Variants in ADARB2 observed in about 807,000 individuals in gnomAD.
The protein encoded by ADARB2 is inactive double-stranded RNA-specific editase B2.
ADARB2 carries 25 observed loss-of-function variants against 62.2 expected under a neutral mutation model. The ratio of observed to expected loss-of-function variants is 0.40; its 90% CI spans 0.29 to 0.56. The LOEUF (loss-of-function observed/expected upper bound fraction) is 0.56, where lower values mean the gene tolerates loss of function less well. ADARB2 is among the 20% of genes least tolerant of loss of function. The pLI, the probability that ADARB2 is intolerant of heterozygous loss-of-function variation, is 0.43. For synonymous variants in ADARB2, 572 were observed against 500.8 expected, an observed-to-expected ratio of 1.14 and a Z score of -1.90; for missense variants, 1,071 against 1,077.4, an observed-to-expected ratio of 0.99 and a Z score of 0.08.
At chr10:1,594,622 C>A (rs1833306784) in intron 1 of ADARB2, among the ~76,000 whole-genome samples, 1 of 152,176 alleles carries the variant, frequency 6.6e-6, no homozygotes, top group Non-Finnish European at 1.5e-5. Flanking sequence ...TTTGCAGTGG[C>A]CTTAGCACTG....
chr10:1,402,040 A>G (rs1056579236), intron 1 of ADARB2, among the ~76,000 whole-genome samples: 1 of 152,216 alleles, frequency 6.6e-6, no homozygotes, highest in African/African-American at 2.4e-5. Flanking sequence ...CTCGATTTTC[A>G]TGAGCATCTC....
chr10:1,215,322 G>T (rs923822679), intron 7 of ADARB2, among the ~76,000 whole-genome samples: 1 of 152,198 alleles, frequency 6.6e-6, no homozygotes, highest in African/African-American at 2.4e-5. Flanking sequence ...ATTTTACGGG[G>T]GCTGGCTGTG....
intron 4 of ADARB2, among the ~76,000 whole-genome samples, chr10:1,253,234 A>G (rs1831051339): frequency 6.6e-6 from 1 of 152,204 alleles, no homozygotes; most frequent in African/African-American, 2.4e-5. Context: ...TTGTAATCAT[A>G]TTTGTTTTTC....
At chr10:1,548,648 T>C (rs1198713115) in intron 1 of ADARB2, among the ~76,000 whole-genome samples, 2 of 152,144 alleles carry the variant, frequency 1.3e-5, no homozygotes, top group Admixed American at 6.5e-5. Context: ...CAGATGTGAA[T>C]TGCCGTCCAG....
intron 1 of ADARB2, among the ~76,000 whole-genome samples, chr10:1,698,925 T>A (rs1834783903): frequency 6.6e-6 from 1 of 152,162 alleles, no homozygotes; most frequent in Non-Finnish European, 1.5e-5. Flanking sequence ...CAGGCTGAGC[T>A]AACTTTTGTA....
intron 1 of ADARB2, among the ~76,000 whole-genome samples, chr10:1,458,892 G>C (rs548092525): frequency 3.3e-5 from 5 of 151,990 alleles, no homozygotes; most frequent in Non-Finnish European, 5.9e-5. Flanking sequence ...ATTTAAAAAG[G>C]TACTTTTCAA....
intron 3 of ADARB2, among the ~76,000 whole-genome samples, chr10:1,286,252 G>C (rs1200200648): frequency 3.3e-5 from 5 of 152,210 alleles, no homozygotes; most frequent in African/African-American, 1.2e-4. Context: ...ACTGCCAGGA[G>C]AGTCCAGCCA....
intron 2 of ADARB2, among the ~76,000 whole-genome samples, chr10:1,376,804 A>G (rs1222901259): frequency 1.5e-5 from 2 of 136,806 alleles, no homozygotes; most frequent in Admixed American, 1.8e-4. Context: ...AGGAGGAAAC[A>G]GTGAACTTCC....
chr10:1,681,963 G>T (rs1404443141), intron 1 of ADARB2, among the ~76,000 whole-genome samples: 2 of 152,148 alleles, frequency 1.3e-5, no homozygotes, highest in African/African-American at 2.4e-5. Flanking sequence ...GCAGGGCATG[G>T]CAAAATGAAA....
intron 1 of ADARB2, among the ~76,000 whole-genome samples, chr10:1,539,380 A>G (rs928395427): frequency 6.6e-6 from 1 of 152,196 alleles, no homozygotes; most frequent in Admixed American, 6.5e-5. Context: ...TCTCCATGCC[A>G]TGGTCTGGTC....
At chr10:1,523,537 T>G (rs1183340419) in intron 1 of ADARB2, among the ~76,000 whole-genome samples, 2 of 152,214 alleles carry the variant, frequency 1.3e-5, no homozygotes, top group African/African-American at 4.8e-5. Flanking sequence ...TCGGTCTCAT[T>G]CATCTCTATC....
In ADARB2 at chr10:1,233,694, G is replaced by T; in HGVS notation, c.1513C>A (p.Leu505Met). Residue 505 changes from leucine (L) to methionine (M), a missense_variant and splice_region_variant, in exon 6 of 10, where the codon CTG becomes ATG. Coordinates refer to ENST00000381312, the MANE Select transcript of ADARB2 (RefSeq NM_018702.4). ...LHSPYEITTD[L>M]HSSKHLVRKF... ...AGAAGGTAAAAGCATGGTCTCTTAC[G>T]GTCTGTGGTGATCTCGTAGGGAGAG... 6.2e-7 allele frequency: 1 copy of T among 1,612,758 alleles called. No individual in the cohort carries two copies. Among genetic ancestry groups the T allele is most frequent in the East Asian group, 2.2e-5 (1 of 44,816 alleles).
At chr10:1,513,784 TG>T (rs1299543365) in intron 1 of ADARB2, among the ~76,000 whole-genome samples, 1 of 152,216 alleles carries the variant, frequency 6.6e-6, no homozygotes, top group Non-Finnish European at 1.5e-5. Flanking sequence ...CTAATCATGC[TG>T]GCTTGAAGTG....
chr10:1,406,116 C>T (rs1366034199), intron 1 of ADARB2, among the ~76,000 whole-genome samples: 2 of 152,226 alleles, frequency 1.3e-5, no homozygotes, highest in Admixed American at 6.5e-5. Flanking sequence ...ATGTGTTATT[C>T]TTTTTAAAAT....
chr10:1,731,992 AAT>A (rs1402043078), intron 1 of ADARB2, among the ~76,000 whole-genome samples: 2 of 152,226 alleles, frequency 1.3e-5, no homozygotes, highest in Admixed American at 6.5e-5. Flanking sequence ...TTAAAACTGC[AAT>A]ATCTGTTTTG....
At position 1,737,490 on chromosome 10, in the gene ADARB2, T is replaced by G. The variant is rs976627172; in HGVS notation, c.-340A>C. The G allele has an allele frequency of 2.3e-5, 7 of 299,966 alleles. No individual in the cohort carries two copies. The highest frequency in any genetic ancestry group is 9.9e-4 in the Middle Eastern group (1 of 1,012). The allele number at this position is 299,966 out of a possible 1,614,324, so 18.6% of individuals were successfully genotyped here. On this transcript the variant is annotated 5_prime_UTR_variant, in exon 1 of 10. Transcript: ENST00000381312. The stretch of plus-strand genomic sequence containing the variant: ...GCTCCCAGCGCAGGGAGGCTACTTT[T>G]GCGCCTCTGCTAGTTGTTTGGCACC...
In ADARB2 at chr10:1,737,450, T is replaced by TGCCTCCTGCTCTGGGCTCC; in HGVS notation, c.-319_-301dup. The TGCCTCCTGCTCTGGGCTCC allele has an allele frequency of 2.4e-6, 1 of 408,944 alleles. No homozygotes were observed. The highest frequency in any genetic ancestry group is 3.4e-5 in the South Asian group (1 of 29,324). The allele number at this position is 408,944 out of a possible 1,614,324, so 25.3% of individuals were successfully genotyped here. On this transcript the variant is annotated 5_prime_UTR_variant, in exon 1 of 10. Transcript: ENST00000381312. Reference sequence around the variant, plus strand: ...AGTGCTCCGAGCTTCCCGCGGGCTCTGCCTCCTGCTCTGGGCTCCCAGCGC... The same window carrying TGCCTCCTGCTCTGGGCTCC: ...AGTGCTCCGAGCTTCCCGCGGGCTCTGCCTCCTGCTCTGGGCTCCGCCTCCTGCTCTGGGCTCCCAGCGC...
At chr10:1,401,925 T>G (rs967181598) in intron 1 of ADARB2, among the ~76,000 whole-genome samples, 2 of 152,152 alleles carry the variant, frequency 1.3e-5, no homozygotes, top group African/African-American at 4.8e-5. Context: ...TTAAGCAGAT[T>G]TCTTTATGGA....
intron 1 of ADARB2, among the ~76,000 whole-genome samples, chr10:1,674,788 A>G (rs1487608936): frequency 6.6e-6 from 1 of 152,214 alleles, no homozygotes; most frequent in African/African-American, 2.4e-5. Flanking sequence ...AACTGGGGAA[A>G]GTTTAAGTCA....
Sources: gnomAD v4.1 joint callset for allele counts (sites outside exome capture counted in the v4.1 genomes callset) on GRCh38, gnomAD v4.1.1 for gene constraint, MANE v1.5 for transcripts, NCBI Gene and HGNC (gene_info 2026-07-23, HGNC 2026-07-21) for gene names.